Variants in PCDHGB6 observed in about 807,000 individuals in gnomAD.
PCDHGB6 encodes the protein protocadherin gamma subfamily B, 6.
PCDHGB6 carries 51 observed loss-of-function variants against 59.1 expected under a neutral mutation model. The observed-to-expected ratio is 0.86, with a 90% CI of 0.69 to 1.09. The LOEUF (loss-of-function observed/expected upper bound fraction) is 1.09. Ranked by LOEUF, PCDHGB6 falls within the 50% of genes least tolerant of loss-of-function variation. PCDHGB6 has a pLI of 0.00. For missense variants in PCDHGB6, 1,148 were observed against 1,205.1 expected (o/e 0.95, Z 0.70); for synonymous variants, 466 against 495.1 (o/e 0.94, Z 0.78).
chr5:141,489,250 A>C lies in PCDHGB6; in HGVS notation c.2419-5557A>C. 1 of 1,546,554 alleles carries C rather than the reference A, an allele frequency of 6.5e-7. No individual in the cohort carries two copies. The highest frequency in any genetic ancestry group is 8.7e-7 in the Non-Finnish European group (1 of 1,146,722). On this transcript the variant is annotated intron_variant, in intron 1 of 3. Transcript: ENST00000520790. This position sits in a 1 kb window ranked among gnomAD's most constrained non-coding sequence, Gnocchi z 4.5. The stretch of plus-strand genomic sequence containing the variant: ...AAGGGACTTCTGGGTCATGGGGCCC[A>C]AGACACTCCCACAGCTCGCTGGGAA...
rs138616951 is a variant in PCDHGB6, at chr5:141,490,312, C to T, written c.2419-4495C>T. On this transcript the variant is annotated intron_variant, in intron 1 of 3. Transcript: ENST00000520790. The surrounding 1 kb of genome is among the most constrained non-coding windows in gnomAD (Gnocchi z 5.4). ...GGTGCTATTGGCCTCTTTGGCCAAC[C>T]CTGTCCTAGAGAGCACACCAGTGGG... 67 of 1,614,050 alleles carry T rather than the reference C, an allele frequency of 4.2e-5. No individual in the cohort carries two copies. The highest frequency in any genetic ancestry group is 5.3e-5 in the Non-Finnish European group (63 of 1,180,008).
In PCDHGB6 at chr5:141,421,591, G is replaced by A. The variant is rs1273484124; in HGVS notation, c.2418+10971G>A. The A allele has an allele frequency of 1.9e-6, 3 of 1,613,756 alleles. No homozygotes were observed. In the Admixed American group the frequency reaches 5.0e-5, roughly 27 times the overall value. ...CACCTTGAAGATTTACGGAGTGGAG[G>A]TGGAAATAATAGATATTAATGATAA... is the stretch of plus-strand genomic sequence containing the variant. On this transcript the variant is annotated intron_variant, in intron 1 of 3. Transcript: ENST00000520790.
At chr5:141,467,495 C>T (rs1161557245) in intron 1 of PCDHGB6, among the ~76,000 whole-genome samples, 1 of 152,140 alleles carries the variant, frequency 6.6e-6, no homozygotes, top group Non-Finnish European at 1.5e-5. Context: ...ATTTAGATCC[C>T]TGATCTAATT....
At chr5:141,427,228 T>C (rs2097002884) in intron 1 of PCDHGB6, 1 of 456,550 alleles carries the variant, frequency 2.2e-6, no homozygotes, top group South Asian at 1.5e-5. Context: ...AGTTATACCA[T>C]GAGAGTAGAA....
In PCDHGB6 at chr5:141,477,982, G is replaced by A; in HGVS notation, c.2419-16825G>A. ...CTAACCAGAGCCTTTTTGCCATAGG[G>A]CTGCACACTGGTCAAATCAGTACTG... is the stretch of plus-strand genomic sequence containing the variant. On this transcript the variant is annotated intron_variant, in intron 1 of 3. Transcript: ENST00000520790. The surrounding 1 kb of genome is among the most constrained non-coding windows in gnomAD (Gnocchi z 4.9). 6.2e-7 allele frequency: 1 copy of A among 1,614,066 alleles called. No individual in the cohort carries two copies. Among genetic ancestry groups the A allele is most frequent in the Non-Finnish European group, 8.5e-7 (1 of 1,180,014 alleles).
At chr5:141,509,908 G>A (rs376035312) in intron 3 of PCDHGB6, among the ~76,000 whole-genome samples, 1 of 152,164 alleles carries the variant, frequency 6.6e-6, no homozygotes, top group African/African-American at 2.4e-5. Flanking sequence ...TCCAGCATGC[G>A]CTTAGGTACA....
At chr5:141,419,201 A>C in intron 1 of PCDHGB6, 1 of 1,613,998 alleles carries the variant, frequency 6.2e-7, no homozygotes, top group South Asian at 1.1e-5. Context: ...CGTCAATGAC[A>C]ACGCGCCGGT....
chr5:141,448,814 G>A (rs967588194), intron 1 of PCDHGB6, among the ~76,000 whole-genome samples: 14 of 152,122 alleles, frequency 9.2e-5, no homozygotes, highest in Non-Finnish European at 1.8e-4. Flanking sequence ...GCGTGATGGC[G>A]GGCGCCTGTA....
In PCDHGB6 at chr5:141,408,691, C is replaced by T. The variant is rs1013098114; in HGVS notation, c.489C>T (p.Asn163=). The change falls in exon 1 of 4, where the codon AAC becomes AAT. Residue 163 remains asparagine, a synonymous_variant. Coordinates refer to ENST00000520790, the MANE Select transcript of PCDHGB6 (RefSeq NM_018926.3). The stretch of plus-strand genomic sequence containing the variant: ...ACCCTGCCACGGATCCTGATATAAA[C>T]ATAAACTCAATTAAAGATTATAAGA... The part of the protein sequence containing the change: ...SLDPATDPDI[N]INSIKDYKIN... The T allele has an allele frequency of 6.2e-7, 1 of 1,613,854 alleles. No homozygotes were observed. The highest frequency in any genetic ancestry group is 8.5e-7 in the Non-Finnish European group (1 of 1,179,804).
chr5:141,501,447 A>G (rs1483189279), intron 2 of PCDHGB6, among the ~76,000 whole-genome samples: 1 of 151,816 alleles, frequency 6.6e-6, no homozygotes, highest in Middle Eastern at 3.2e-3. Flanking sequence ...TTCCATTTTT[A>G]CTTTTCACTA....
intron 1 of PCDHGB6, chr5:141,415,515 G>C: frequency 6.2e-7 from 1 of 1,614,152 alleles, no homozygotes; most frequent in Non-Finnish European, 8.5e-7. Flanking sequence ...CCAATTATGC[G>C]GACACGCTCA....
chr5:141,422,594 C>G, intron 1 of PCDHGB6: 1 of 1,614,090 alleles, frequency 6.2e-7, no homozygotes, highest in Non-Finnish European at 8.5e-7. Flanking sequence ...TTTCCTCACT[C>G]CTCTTACTCT....
At chr5:141,412,938 T>C (rs2095590973) in intron 1 of PCDHGB6, 3 of 461,786 alleles carry the variant, frequency 6.5e-6, no homozygotes, top group Admixed American at 7.7e-5. Context: ...TTCTTAGGAC[T>C]CTGAGCGCCG....
At chr5:141,455,449 G>A (rs1421095381) in intron 1 of PCDHGB6, among the ~76,000 whole-genome samples, 1 of 152,126 alleles carries the variant, frequency 6.6e-6, no homozygotes, top group Non-Finnish European at 1.5e-5. Flanking sequence ...CATCTACCGC[G>A]GATACCAGCC....
intron 1 of PCDHGB6, among the ~76,000 whole-genome samples, chr5:141,461,231 T>C (rs1042368465): frequency 6.6e-5 from 10 of 152,068 alleles, no homozygotes; most frequent in African/African-American, 2.4e-4. Context: ...TCCATAGAGG[T>C]TGTACTAATT....
intron 1 of PCDHGB6, among the ~76,000 whole-genome samples, chr5:141,439,530 C>T (rs1003383726): frequency 6.6e-6 from 1 of 152,180 alleles, no homozygotes; most frequent in Non-Finnish European, 1.5e-5. Flanking sequence ...CTCTACAGAA[C>T]GCTGTCCTCT....
intron 1 of PCDHGB6, chr5:141,478,712 G>A (rs1160573848): frequency 3.2e-6 from 5 of 1,547,048 alleles, no homozygotes; most frequent in Non-Finnish European, 4.4e-6. Flanking sequence ...TTTGTGAGAT[G>A]GTGGCCTGCC....
chr5:141,408,506 T>C lies in PCDHGB6; in HGVS notation c.304T>C (p.Cys102Arg). 2 of 1,614,010 alleles carry C rather than the reference T, an allele frequency of 1.2e-6. No individual in the cohort carries two copies. The highest frequency in any genetic ancestry group is 1.7e-6 in the Non-Finnish European group (2 of 1,179,888). ...GCAAATATGCAAAGAGAGAAGAAGA[T>C]GTGAGTTGCAATTGGAAGCTGTGGT... is the stretch of plus-strand genomic sequence containing the variant. ...REQICKERRR[C>R]ELQLEAVVEN... The change falls in exon 1 of 4, where the codon TGT becomes CGT. Residue 102 changes from cysteine to arginine, a missense_variant. Coordinates refer to ENST00000520790, the MANE Select transcript of PCDHGB6 (RefSeq NM_018926.3).
At chr5:141,456,723 G>A (rs1005891499) in intron 1 of PCDHGB6, among the ~76,000 whole-genome samples, 3 of 152,196 alleles carry the variant, frequency 2.0e-5, no homozygotes, top group Admixed American at 6.5e-5. Flanking sequence ...CCAGCACTTT[G>A]GGAGGCTGAG....
Sources: allele counts gnomAD v4.1 joint callset (sites outside exome capture counted in the v4.1 genomes callset), GRCh38; gene constraint gnomAD v4.1.1; non-coding constraint Gnocchi (gnomAD v3.1); transcripts MANE v1.5; gene names NCBI Gene and HGNC (gene_info 2026-07-23, HGNC 2026-07-21).